The following ADAM32 variants were observed in gnomAD, a reference collection of about 807,000 sequenced individuals.
ADAM32 encodes ADAM metallopeptidase domain 32.
A neutral mutation model predicts 114.9 loss-of-function variants in ADAM32; 89 were observed. That is an observed-to-expected ratio of 0.77 (90% confidence interval 0.65 to 0.92). The LOEUF (loss-of-function observed/expected upper bound fraction) is 0.92. Ranked by LOEUF, ADAM32 falls within the 40% of genes least tolerant of loss-of-function variation. The probability of loss-of-function intolerance (pLI) is 0.00; values close to 1 mark genes in which losing one functional copy is unlikely to be tolerated. For synonymous variants in ADAM32, 285 were observed against 307.5 expected (o/e 0.93, Z 0.77); for missense variants, 870 against 932.8 (o/e 0.93, Z 0.88).
chr8:39,136,942 G>T (rs1409845404), intron 3 of ADAM32, among the ~76,000 whole-genome samples: 3 of 152,182 alleles, frequency 2.0e-5, no homozygotes, highest in Non-Finnish European at 4.4e-5. Context: ...ATCTCCTGAA[G>T]ACTGATTTAT....
chr8:39,189,861 G>A (rs1351352272), intron 11 of ADAM32, among the ~76,000 whole-genome samples: 3 of 151,768 alleles, frequency 2.0e-5, no homozygotes, highest in Non-Finnish European at 4.4e-5. Context: ...GCGGTGGCGC[G>A]ATCTCGGCTC....
chr8:39,226,599 C>T (rs1428754998), intron 14 of ADAM32, among the ~76,000 whole-genome samples: 2 of 151,288 alleles, frequency 1.3e-5, no homozygotes, highest in African/African-American at 2.4e-5. Context: ...GATACTTTGT[C>T]AGTGAGGAGA....
intron 14 of ADAM32, among the ~76,000 whole-genome samples, chr8:39,229,387 T>C (rs376824356): frequency 1.3e-5 from 2 of 152,188 alleles, no homozygotes; most frequent in Non-Finnish European, 2.9e-5. Flanking sequence ...AATGCTCCAC[T>C]TAAAAGATAC....
intron 1 of ADAM32, among the ~76,000 whole-genome samples, chr8:39,110,789 T>C (rs146819329): frequency 1.1e-3 from 160 of 152,284 alleles, no homozygotes; most frequent in African/African-American, 3.8e-3. Flanking sequence ...CAAATGAAAA[T>C]GCCAGCTCCA....
intron 2 of ADAM32, among the ~76,000 whole-genome samples, chr8:39,128,438 A>T (rs750260959): frequency 5.3e-5 from 8 of 152,166 alleles, no homozygotes; most frequent in Non-Finnish European, 1.2e-4. Flanking sequence ...TCTCTTAAAG[A>T]CAGCATACTG....
At chr8:39,249,831 CTTGT>C (rs1476568418) in intron 17 of ADAM32, among the ~76,000 whole-genome samples, 6 of 151,924 alleles carry the variant, frequency 3.9e-5, no homozygotes, top group Non-Finnish European at 7.4e-5. Flanking sequence ...TCAATTTTTG[CTTGT>C]TTGAGAGTCT....
intron 7 of ADAM32, among the ~76,000 whole-genome samples, chr8:39,163,500 T>G (rs559980608): frequency 6.6e-6 from 1 of 152,178 alleles, no homozygotes; most frequent in South Asian, 2.1e-4. Context: ...GTTCTAGTAA[T>G]CAGGGTGAAA....
At chr8:39,167,327 T>A (rs1804904580) in intron 9 of ADAM32, 1 of 152,178 alleles carries the variant, frequency 6.6e-6, no homozygotes, top group African/African-American at 2.4e-5. Flanking sequence ...TGTTTTTGTT[T>A]GCTTTGCTGA....
At chr8:39,243,066 C>T (rs1367556771) in intron 16 of ADAM32, among the ~76,000 whole-genome samples, 3 of 151,918 alleles carry the variant, frequency 2.0e-5, no homozygotes, top group Non-Finnish European at 4.4e-5. Flanking sequence ...ATATACAACC[C>T]TCCTAAATAA....
chr8:39,139,888 ACATCC>A (rs1803036670), intron 3 of ADAM32, among the ~76,000 whole-genome samples: 1 of 152,146 alleles, frequency 6.6e-6, no homozygotes, highest in Non-Finnish European at 1.5e-5. Flanking sequence ...GAGGTCCTTC[ACATCC>A]CTTGTAAGTT....
At chr8:39,227,278 G>C (rs1430276308) in intron 14 of ADAM32, among the ~76,000 whole-genome samples, 8 of 152,194 alleles carry the variant, frequency 5.3e-5, no homozygotes, top group African/African-American at 1.9e-4. Context: ...GTTTGAGGGA[G>C]AAGTTTCCGA....
chr8:39,233,968 T>C lies in ADAM32; in HGVS notation c.1704T>C (p.Asp568=), dbSNP rs1391352432. The change falls in exon 16 of 25, where the codon GAT becomes GAC. Residue 568 remains aspartate (D), a synonymous_variant. Coordinates refer to ENST00000379907, the MANE Select transcript of ADAM32 (RefSeq NM_145004.7). ...TRKPFHQENG[D]VIYAFVRDSV... is the part of the protein sequence containing the mutation. ...AGCCTTTCCATCAAGAAAATGGTGATGTGATTTATGCTTTCGTACGAGATT... is the reference window on the plus strand; with the variant it reads ...AGCCTTTCCATCAAGAAAATGGTGACGTGATTTATGCTTTCGTACGAGATT... The C allele has an allele frequency of 1.9e-6, 3 of 1,590,858 alleles. No individual in the cohort carries two copies. Among genetic ancestry groups the C allele is most frequent in the Admixed American group, 3.4e-5 (2 of 58,160 alleles).
At chr8:39,256,259 CT>C (rs1699389413) in intron 18 of ADAM32, among the ~76,000 whole-genome samples, 1 of 151,888 alleles carries the variant, frequency 6.6e-6, no homozygotes, top group African/African-American at 2.4e-5. Context: ...TTGACTTTAT[CT>C]TTTAGAATAT....
intron 5 of ADAM32, among the ~76,000 whole-genome samples, chr8:39,150,913 TAATCATTTTTCAAA>T (rs1803784985): frequency 9.2e-6 from 1 of 108,830 alleles, no homozygotes; most frequent in African/African-American, 2.7e-5. Flanking sequence ...ATATGCAGTA[TAATCATTTTTCAAA>T]AGCATGGCAT....
chr8:39,270,815 A>C, intron 19 of ADAM32, 61 bp from the exon 20 acceptor site: 1 of 1,321,398 alleles, frequency 7.6e-7, no homozygotes, highest in Non-Finnish European at 1.1e-6. Flanking sequence ...GACTGATTTT[A>C]ATTCATGAAG....
chr8:39,109,998 G>T (rs1016430333), intron 1 of ADAM32, among the ~76,000 whole-genome samples: 7 of 127,456 alleles, frequency 5.5e-5, no homozygotes, highest in African/African-American at 7.6e-5. Context: ...ATTTTGGATG[G>T]ACTTTTTTTT....
At chr8:39,175,855 C>T (rs34719691) in intron 10 of ADAM32, among the ~76,000 whole-genome samples, 5,048 of 152,150 alleles carry the variant, frequency 0.033, 109 homozygotes, top group Non-Finnish European at 0.051. Flanking sequence ...GCCTCCATTT[C>T]AGAACTCATT....
At chr8:39,207,551 A>G (rs1260719264) in intron 11 of ADAM32, among the ~76,000 whole-genome samples, 1 of 152,218 alleles carries the variant, frequency 6.6e-6, no homozygotes, top group Non-Finnish European at 1.5e-5. Flanking sequence ...TCATTTCAGC[A>G]TGACAATAAC....
chr8:39,198,369 T>C lies in ADAM32; in HGVS notation c.1052+11324T>C, dbSNP rs557053041. Among the ~76,000 whole-genome samples, 15 of 152,290 alleles carry C rather than the reference T, an allele frequency of 9.8e-5. No homozygotes were observed. In the South Asian group the frequency reaches 2.9e-3, roughly 29 times the overall value. On this transcript the variant is annotated intron_variant, in intron 11 of 24. Transcript: ENST00000379907. ...ATTGTTTTCTGATTGATATATTCTT[T>C]CTTTCATTCTTCCTCTTTTTTTCTT...
Sources: gnomAD v4.1 joint callset for allele counts (sites outside exome capture counted in the v4.1 genomes callset) on GRCh38, gnomAD v4.1.1 for gene constraint, MANE v1.5 for transcripts, NCBI Gene and HGNC (gene_info 2026-07-23, HGNC 2026-07-21) for gene names.